ZSCAN26: variants seen among roughly 807,000 people sequenced by gnomAD.
The protein encoded by ZSCAN26 is zinc finger and SCAN domain-containing protein 26.
In ZSCAN26, 26 loss-of-function variants were observed where a neutral mutation model predicts 23.0. That is an observed-to-expected ratio of 1.13 (90% confidence interval 0.83 to 1.57). The LOEUF (loss-of-function observed/expected upper bound fraction) is 1.57, where lower values mean the gene tolerates loss of function less well. ZSCAN26 is among the 40% of genes most tolerant of loss of function. The pLI is 0.00. For missense variants in ZSCAN26, 528 were observed against 568.5 expected (o/e 0.93, Z 0.72); for synonymous variants, 180 against 202.5 (o/e 0.89, Z 0.94).
chr6:28,271,502 G>A (rs956368026), intron 1 of ZSCAN26, among the ~76,000 whole-genome samples: 11 of 152,006 alleles, frequency 7.2e-5, no homozygotes, highest in African/African-American at 2.7e-4. Context: ...TGGATTACAG[G>A]CATGTGCCAC....
intron 1 of ZSCAN26, among the ~76,000 whole-genome samples, chr6:28,268,954 A>G (rs996492301): frequency 9.2e-5 from 14 of 152,174 alleles, no homozygotes; most frequent in African/African-American, 3.4e-4. Context: ...CTCTGCTAAA[A>G]TTACAAAAAT....
chr6:28,272,949 A>G (rs996964997), intron 3 of ZSCAN26, among the ~76,000 whole-genome samples, 162 bp downstream of exon 3: 1 of 152,204 alleles, frequency 6.6e-6, no homozygotes, highest in Non-Finnish European at 1.5e-5. Flanking sequence ...TTTTAGATGT[A>G]CAGGTCAATG....
Position 28,271,845 on chromosome 6 carries a change from TA to T in ZSCAN26, c.-66-7del. Reference sequence around the variant, plus strand: ...ACTGTTTCTGTCACTCTTGTTACTATAATTTTAGGAGTGTCTCTGAAGATAC... The same window carrying T: ...ACTGTTTCTGTCACTCTTGTTACTATATTTTAGGAGTGTCTCTGAAGATAC... On this transcript the variant is annotated splice_region_variant and splice_polypyrimidine_tract_variant and intron_variant, in intron 1 of 3. Coordinates refer to ENST00000421553, the MANE Select transcript of ZSCAN26 (RefSeq NM_001023560.4). 2 of 1,304,166 alleles carry T rather than the reference TA, an allele frequency of 1.5e-6. No homozygotes were observed. The highest frequency in any genetic ancestry group is 2.1e-6 in the Non-Finnish European group (2 of 963,592). The allele number at this position is 1,304,166 out of a possible 1,614,324, so 80.8% of individuals were successfully genotyped here.
chr6:28,271,587 C>T (rs181752635), intron 1 of ZSCAN26, among the ~76,000 whole-genome samples: 27 of 152,224 alleles, frequency 1.8e-4, no homozygotes, highest in African/African-American at 6.5e-4. Context: ...CCTCAGCCTC[C>T]CAAAGTGCTG....
chr6:28,276,175 G>A lies in ZSCAN26; in HGVS notation c.539-20G>A, dbSNP rs748255951. On this transcript the variant is annotated intron_variant, in intron 3 of 3. Transcript: ENST00000421553. ...AGCATCAAAAGACAAGTAATTGGTG[G>A]TATATATTTAATATTGCAGGTGAGG... 2.6e-6 allele frequency: 4 copies of A among 1,566,980 alleles called. No homozygotes were observed. The South Asian group carries it at 3.6e-5, about 14-fold the overall frequency.
intron 3 of ZSCAN26, among the ~76,000 whole-genome samples, chr6:28,273,283 C>G (rs1761787918): frequency 6.6e-6 from 1 of 152,174 alleles, no homozygotes; most frequent in Non-Finnish European, 1.5e-5. Context: ...TGGCTCATGC[C>G]TGTAAACCCA....
In ZSCAN26 at chr6:28,276,939, G is replaced by T; in HGVS notation, c.1283G>T (p.Cys428Phe). 6.2e-7 allele frequency: 1 copy of T among 1,614,002 alleles called. No individual in the cohort carries two copies. Among genetic ancestry groups the T allele is most frequent in the East Asian group, 2.2e-5 (1 of 44,890 alleles). ...TGEKPFKCNI[C>F]QKAFRLNSHL... Reference sequence around the variant, plus strand: ...GAAAAACCTTTCAAGTGTAACATATGCCAGAAAGCCTTCCGACTAAACTCA... The same window carrying T: ...GAAAAACCTTTCAAGTGTAACATATTCCAGAAAGCCTTCCGACTAAACTCA... The change falls in exon 4 of 4, where the codon TGC becomes TTC. Residue 428 changes from cysteine (C) to phenylalanine (F), a missense_variant. Coordinates refer to ENST00000421553, the MANE Select transcript of ZSCAN26 (RefSeq NM_001023560.4).
In ZSCAN26 at chr6:28,276,898, C is replaced by A; in HGVS notation, c.1242C>A (p.His414Gln). 2 of 1,613,996 alleles carry A rather than the reference C, an allele frequency of 1.2e-6. No homozygotes were observed. Among genetic ancestry groups the A allele is most frequent in the Non-Finnish European group, 1.7e-6 (2 of 1,179,878 alleles). The change falls in exon 4 of 4, where the codon CAC (histidine) becomes CAA (glutamine). Residue 414 changes from histidine to glutamine, a missense_variant. His to Gln is a conservative substitution (Grantham distance 24). Transcript: ENST00000421553. ...TGACCTCAGACCTTATTCGACACCA[C>A]AGAATTCATACTGGAGAAAAACCTT... ...FSLTSDLIRH[H>Q]RIHTGEKPFK... is the part of the protein sequence containing the mutation.
intron 1 of ZSCAN26, among the ~76,000 whole-genome samples, chr6:28,269,242 T>C (rs1761582144): frequency 6.6e-6 from 1 of 152,086 alleles, no homozygotes; most frequent in African/African-American, 2.4e-5. Context: ...TATACTGATA[T>C]GGGTATAGAT....
intron 1 of ZSCAN26, among the ~76,000 whole-genome samples, chr6:28,267,980 T>C (rs990318216): frequency 6.6e-6 from 1 of 152,058 alleles, no homozygotes; most frequent in Non-Finnish European, 1.5e-5. Context: ...GACAATAATA[T>C]TTGCTACTGG....
Position 28,272,340 on chromosome 6 carries a change from G to A in ZSCAN26, c.420+1G>A. The A allele has an allele frequency of 6.6e-7, 1 of 1,519,754 alleles. No homozygotes were observed. The highest frequency in any genetic ancestry group is 8.8e-7 in the Non-Finnish European group (1 of 1,131,426). The allele number at this position is 1,519,754 out of a possible 1,614,324, so 94.1% of individuals were successfully genotyped here. Reference sequence around the variant, plus strand: ...TCTTGGAGAAACAGGACAACAGGTGGTAAGGGTCAGATGTGCTCTTTTTCA... The same window carrying A: ...TCTTGGAGAAACAGGACAACAGGTGATAAGGGTCAGATGTGCTCTTTTTCA... On this transcript the variant is annotated splice_donor_variant, in intron 2 of 3. Transcript: ENST00000421553. LOFTEE classifies it high-confidence loss of function.
At chr6:28,274,170 G>A (rs1391143980) in intron 3 of ZSCAN26, among the ~76,000 whole-genome samples, 1 of 152,056 alleles carries the variant, frequency 6.6e-6, no homozygotes, top group East Asian at 1.9e-4. Context: ...GACTAAAAGG[G>A]AAGGGGTTTT....
At chr6:28,267,551 G>A (rs1381378114) in intron 1 of ZSCAN26, 1 of 152,114 alleles carries the variant, frequency 6.6e-6, no homozygotes, top group Non-Finnish European at 1.5e-5. Context: ...TCTAGGTAGA[G>A]GGAATAGCAA....
chr6:28,269,069 C>T (rs769727084), intron 1 of ZSCAN26, among the ~76,000 whole-genome samples: 3 of 151,474 alleles, frequency 2.0e-5, no homozygotes, highest in Non-Finnish European at 4.4e-5. Flanking sequence ...GCCAAGATTG[C>T]GCTGCTGTAC....
chr6:28,274,629 A>T (rs1761863313), intron 3 of ZSCAN26, among the ~76,000 whole-genome samples: 3 of 152,146 alleles, frequency 2.0e-5, no homozygotes, highest in Admixed American at 2.0e-4. Context: ...AGTTCTAGCC[A>T]CTTGGGAGGC....
rs1288090850 is a variant in ZSCAN26, at chr6:28,272,699, A to G, written c.450A>G (p.Ile150Met). The G allele has an allele frequency of 2.5e-6, 4 of 1,611,546 alleles. No individual in the cohort carries two copies. The highest frequency in any genetic ancestry group is 3.4e-6 in the Non-Finnish European group (4 of 1,178,876). ...CAGACCAGCCAAAGAAACAAAAAATACTTGTGGAGGAGATGGCCCCTCTGA... is the reference window on the plus strand; with the variant it reads ...CAGACCAGCCAAAGAAACAAAAAATGCTTGTGGAGGAGATGGCCCCTCTGA... ...VDPDQPKKQK[I>M]LVEEMAPLKG... Residue 150 changes from isoleucine to methionine, a missense_variant, in exon 3 of 4, where the codon ATA becomes ATG. Physicochemically the swap from Ile to Met is conservative, Grantham distance 10. Transcript: ENST00000421553.
Position 28,270,134 on chromosome 6 carries a change from G to A in ZSCAN26, c.-66-1720G>A, listed in dbSNP as rs148395663. On this transcript the variant is annotated intron_variant, in intron 1 of 3. Transcript: ENST00000421553. ...CATTTTTTGTATTTTTAGTAGACAC[G>A]GGGTTTCACTGATAATCATCACTTT... Among the ~76,000 whole-genome samples the A allele has an allele frequency of 2.4e-4, 36 of 152,066 alleles. No homozygotes were observed. In the East Asian group the frequency reaches 4.5e-3, roughly 19 times the overall value.
At chr6:28,274,714 C>T (rs1321168476) in intron 3 of ZSCAN26, among the ~76,000 whole-genome samples, 1 of 152,154 alleles carries the variant, frequency 6.6e-6, no homozygotes, top group Non-Finnish European at 1.5e-5. Context: ...TGTACTCCAG[C>T]GTTGGCAACA....
rs891862761 is a variant in ZSCAN26 at position 28,270,537 on chromosome 6, G to C, written c.-66-1317G>C. 2.6e-5 allele frequency among the ~76,000 whole-genome samples: 4 copies of C among 152,162 alleles called. No individual in the cohort carries two copies. In the East Asian group the frequency reaches 7.7e-4, roughly 29 times the overall value. Reference sequence around the variant, plus strand: ...GTTGGATTTGAGAGGCTTCTGTAGGGTATCCTGGTCCCAAATAGGCAGAAG... The same window carrying C: ...GTTGGATTTGAGAGGCTTCTGTAGGCTATCCTGGTCCCAAATAGGCAGAAG... On this transcript the variant is annotated intron_variant, in intron 1 of 3. Transcript: ENST00000421553.
Sources: allele counts gnomAD v4.1 joint callset (sites outside exome capture counted in the v4.1 genomes callset), GRCh38; gene constraint gnomAD v4.1.1; transcripts MANE v1.5; gene names NCBI Gene and HGNC (gene_info 2026-07-23, HGNC 2026-07-21).